Variants in CACNA1G observed in about 807,000 individuals in gnomAD.
CACNA1G encodes the protein calcium voltage-gated channel subunit alpha1 G.
CACNA1G carries 67 observed loss-of-function variants against 219.4 expected under a neutral mutation model. That is an observed-to-expected ratio of 0.31 (90% CI 0.25 to 0.37). The LOEUF is 0.37. Ranked by LOEUF, CACNA1G falls within the 10% of genes least tolerant of loss-of-function variation. The pLI, the probability that CACNA1G is intolerant of heterozygous loss-of-function variation, is 1.00. For synonymous variants in CACNA1G, 1,296 were observed against 1,345.3 expected (o/e 0.96, Z 0.80); for missense variants, 2,380 against 3,231.4 (o/e 0.74, Z 6.39).
Position 50,603,419 on chromosome 17 carries a change from T to G in CACNA1G, c.4169+220T>G, listed in dbSNP as rs17717014. ...ACACCTGCTTTCCTCCTCTTCAACA[T>G]GACATATTCCTCAGGGCCGCTGCAC... On this transcript the variant is annotated intron_variant, in intron 21 of 37. Coordinates refer to ENST00000359106, the MANE Select transcript of CACNA1G (RefSeq NM_018896.5). This position sits in a 1 kb window ranked among gnomAD's most constrained non-coding sequence, Gnocchi z 6.4. 6.6e-6 allele frequency among the ~76,000 whole-genome samples: 1 copy of G among 152,048 alleles called. No individual in the cohort carries two copies. Among genetic ancestry groups the G allele is most frequent in the Non-Finnish European group, 1.5e-5 (1 of 67,962 alleles).
At chr17:50,624,324 T>TTCCCC in intron 36 of CACNA1G, 36 bp from the exon 37 acceptor site, 1 of 1,177,658 alleles carries the variant, frequency 8.5e-7, no homozygotes, top group Admixed American at 2.1e-5. Context: ...CTCCATTCTC[T>TTCCCC]CCCCCCACCC....
At chr17:50,580,973 G>A (rs1165789611) in intron 9 of CACNA1G, among the ~76,000 whole-genome samples, 2 of 151,988 alleles carry the variant, frequency 1.3e-5, no homozygotes, top group South Asian at 4.2e-4. Context: ...GATGTGGGGG[G>A]CTGAGACAGA....
rs959464173 is a variant in CACNA1G, at chr17:50,626,225, A to C, written c.6608A>C (p.Asn2203Thr). Residue 2203 changes from asparagine (N) to threonine (T), a missense_variant, in exon 38 of 38, where the codon AAC (asparagine) becomes ACC (threonine). Physicochemically the swap from Asn to Thr is moderately conservative, Grantham distance 65 (BLOSUM62 0). Transcript: ENST00000359106. The surrounding 1 kb of genome is among the most constrained non-coding windows in gnomAD (Gnocchi z 4.3). ...GCCCCTTGCCCAGGCCCAGAACCCAACTGGGGCAAGGGCCCTCCAGAGACC... is the reference window on the plus strand; with the variant it reads ...GCCCCTTGCCCAGGCCCAGAACCCACCTGGGGCAAGGGCCCTCCAGAGACC... Reference protein sequence around the residue: ...PPAPCPGPEPNWGKGPPETRS... With the variant: ...PPAPCPGPEPTWGKGPPETRS... 4 of 1,613,590 alleles carry C rather than the reference A, an allele frequency of 2.5e-6. No homozygotes were observed. The African/African-American group carries it at 5.3e-5, about 22-fold the overall frequency.
At chr17:50,592,280 A>G (rs1190251196) in intron 13 of CACNA1G, among the ~76,000 whole-genome samples, 188 bp downstream of exon 13, 1 of 152,024 alleles carries the variant, frequency 6.6e-6, no homozygotes, top group Non-Finnish European at 1.5e-5. Flanking sequence ...CCCTCATCAC[A>G]TGGGACACAG....
chr17:50,623,091 CTTTTT>C (rs35688516), intron 35 of CACNA1G, among the ~76,000 whole-genome samples: 2 of 79,418 alleles, frequency 2.5e-5, no homozygotes, highest in East Asian at 6.6e-4. Flanking sequence ...CTGCTGTTGG[CTTTTT>C]TTTTTTTTTT....
intron 26 of CACNA1G, among the ~76,000 whole-genome samples, chr17:50,612,570 C>T (rs1250615879): frequency 6.6e-6 from 1 of 152,262 alleles, no homozygotes; most frequent in East Asian, 1.9e-4. Flanking sequence ...AAGGTGTGGC[C>T]TCTGCCGTGG....
At chr17:50,584,037 T>C (rs546727169) in intron 9 of CACNA1G, among the ~76,000 whole-genome samples, 1 of 152,200 alleles carries the variant, frequency 6.6e-6, no homozygotes, top group East Asian at 1.9e-4. Flanking sequence ...GAATCCTAGA[T>C]AACCCGAAGT....
chr17:50,576,019 G>A lies in CACNA1G; in HGVS notation c.1617G>A (p.Thr539=), dbSNP rs755640710. The A allele has an allele frequency of 1.6e-5, 25 of 1,562,796 alleles. No individual in the cohort carries two copies. Among genetic ancestry groups the A allele is most frequent in the South Asian group, 5.9e-5 (5 of 84,806 alleles). The change falls in exon 8 of 38, where the codon ACG becomes ACA. Residue 539 remains threonine, a synonymous_variant. Coordinates refer to ENST00000359106, the MANE Select transcript of CACNA1G (RefSeq NM_018896.5). The part of the protein sequence containing the change: ...SRRLMLPPPS[T]PALSGAPPGG... ...GGCTCATGCTGCCACCACCCTCGAC[G>A]CCTGCCCTCTCCGGGGCCCCCCCTG...
intron 33 of CACNA1G, among the ~76,000 whole-genome samples, chr17:50,619,411 T>C (rs2051246479): frequency 1.3e-5 from 2 of 151,710 alleles, no homozygotes; most frequent in Non-Finnish European, 2.9e-5. Flanking sequence ...TCTTTACCGC[T>C]CTCTCTCTCT....
Position 50,618,942 on chromosome 17 carries a change from G to T in CACNA1G, c.5715G>T (p.Lys1905Asn). 6.3e-7 allele frequency: 1 copy of T among 1,598,782 alleles called. No individual in the cohort carries two copies. The highest frequency in any genetic ancestry group is 8.5e-7 in the Non-Finnish European group (1 of 1,171,378). ...GCCCCGACAGCCCCGACAGCCCCAAGCCTGGGGCTCTGCACCCAGCGGCCC... is the reference window on the plus strand; with the variant it reads ...GCCCCGACAGCCCCGACAGCCCCAATCCTGGGGCTCTGCACCCAGCGGCCC... ...VEGPDSPDSP[K>N]PGALHPAAHA... is the part of the protein sequence containing the mutation. The change falls in exon 33 of 38, where the codon AAG (lysine) becomes AAT (asparagine). Residue 1905 changes from lysine (K) to asparagine (N), a missense_variant. Physicochemically the swap from Lys to Asn is moderately conservative, Grantham distance 94. Around this residue, in one of 17 missense-constraint regions of CACNA1G, gnomAD observed 672 missense variants for 670.5 expected, o/e 1.00. Coordinates refer to ENST00000359106, the MANE Select transcript of CACNA1G (RefSeq NM_018896.5). The surrounding 1 kb of genome is among the most constrained non-coding windows in gnomAD (Gnocchi z 5.3).
chr17:50,595,624 C>T (rs1284823030), intron 14 of CACNA1G, among the ~76,000 whole-genome samples: 1 of 152,274 alleles, frequency 6.6e-6, no homozygotes, highest in Non-Finnish European at 1.5e-5. Context: ...CCCTTCATCA[C>T]CCACTTGGGT....
intron 35 of CACNA1G, among the ~76,000 whole-genome samples, chr17:50,623,502 G>A (rs1198753980): frequency 5.3e-5 from 8 of 151,986 alleles, no homozygotes; most frequent in African/African-American, 1.9e-4. Context: ...TCCCTTCAGA[G>A]CCTCTAAATG....
intron 26 of CACNA1G, 126 bp downstream of exon 26, chr17:50,610,061 G>A (rs1208215427): frequency 1.1e-6 from 1 of 888,626 alleles, no homozygotes; most frequent in East Asian, 2.7e-5. Flanking sequence ...AGAGGGCAGG[G>A]GCTGAAGCGC....
At chr17:50,614,872 G>A (rs767733202) in intron 26 of CACNA1G, among the ~76,000 whole-genome samples, 2 of 152,232 alleles carry the variant, frequency 1.3e-5, no homozygotes, top group South Asian at 4.1e-4. Flanking sequence ...TCCAATCTCC[G>A]GTTTTATCTC....
intron 7 of CACNA1G, 200 bp downstream of exon 7, chr17:50,573,313 G>T: frequency 1.8e-6 from 1 of 569,772 alleles, no homozygotes; most frequent in Non-Finnish European, 3.2e-6. Context: ...GGACTTAACT[G>T]CTATTGGGAC....
rs1482120598 is a variant in CACNA1G, at chr17:50,596,397, C to T, written c.2980-165C>T. Among the ~76,000 whole-genome samples, 2 of 152,124 alleles carry T rather than the reference C, an allele frequency of 1.3e-5. No homozygotes were observed. Among genetic ancestry groups the T allele is most frequent in the Non-Finnish European group, 1.5e-5 (1 of 68,010 alleles). ...TGGTGGGGCCCTGGGAAGCCTCGGGCCCCAAGCCTGGGGGGTCTGGCCTGC... is the reference window on the plus strand; with the variant it reads ...TGGTGGGGCCCTGGGAAGCCTCGGGTCCCAAGCCTGGGGGGTCTGGCCTGC... On this transcript the variant is annotated intron_variant, in intron 14 of 37. Coordinates refer to ENST00000359106, the MANE Select transcript of CACNA1G (RefSeq NM_018896.5). This position sits in a 1 kb window ranked among gnomAD's most constrained non-coding sequence, Gnocchi z 4.8.
chr17:50,619,898 G>T, intron 34 of CACNA1G, 72 bp downstream of exon 34: 3 of 1,431,118 alleles, frequency 2.1e-6, no homozygotes, highest in African/African-American at 2.8e-5. Flanking sequence ...CATGCTTCTG[G>T]GGAAGCTGGG....
At chr17:50,576,348 A>G in intron 8 of CACNA1G, 22 bp downstream of exon 8, 1 of 1,558,708 alleles carries the variant, frequency 6.4e-7, no homozygotes, top group Non-Finnish European at 8.7e-7. Context: ...GGGTGGAGGC[A>G]TGTGGGTGCC....
At chr17:50,588,832 G>A (rs566070863) in intron 9 of CACNA1G, among the ~76,000 whole-genome samples, 70 of 152,196 alleles carry the variant, frequency 4.6e-4, no homozygotes, top group African/African-American at 1.5e-3. Context: ...TGTTGTCCCC[G>A]AGGCTCCCAA....
Sources: allele counts gnomAD v4.1 joint callset (sites outside exome capture counted in the v4.1 genomes callset), GRCh38; gene constraint gnomAD v4.1.1; regional missense constraint gnomAD v4.1.1; non-coding constraint Gnocchi (gnomAD v3.1); transcripts MANE v1.5; gene names NCBI Gene and HGNC (gene_info 2026-07-23, HGNC 2026-07-21).